The following REXO5 variants were observed in gnomAD, a reference collection of about 807,000 sequenced individuals.
REXO5 encodes the protein RNA exonuclease 5, also known as exonuclease NEF-sp.
Under a neutral mutation model 88.5 loss-of-function variants are expected in REXO5, and 48 were observed. The ratio of observed to expected loss-of-function variants is 0.54; its 90% CI spans 0.43 to 0.69. The LOEUF (loss-of-function observed/expected upper bound fraction) is 0.69, where lower values mean the gene tolerates loss of function less well. Ranked by LOEUF, REXO5 falls within the 30% of genes least tolerant of loss-of-function variation. The pLI is 0.00. For missense variants in REXO5, 749 were observed against 912.2 expected (o/e 0.82, Z 2.30); for synonymous variants, 311 against 336.5 (o/e 0.92, Z 0.83).
chr16:20,836,414 A>G (rs1384924315), intron 13 of REXO5, among the ~76,000 whole-genome samples: 2 of 152,120 alleles, frequency 1.3e-5, no homozygotes, highest in African/African-American at 2.4e-5. Context: ...TCTTTAACTT[A>G]GTATATGTAT....
At chr16:20,835,432 T>G (rs1297281257) in intron 13 of REXO5, among the ~76,000 whole-genome samples, 1 of 152,234 alleles carries the variant, frequency 6.6e-6, no homozygotes, top group East Asian at 1.9e-4. Context: ...TCTAAACCAT[T>G]CCTGGCCTTG....
rs551398041 is a variant in REXO5, at chr16:20,835,506, T to G, written c.1383+2383T>G. Among the ~76,000 whole-genome samples, 26 of 152,300 alleles carry G rather than the reference T, an allele frequency of 1.7e-4. No individual in the cohort carries two copies. The South Asian group carries it at 5.4e-3, about 32-fold the overall frequency. On this transcript the variant is annotated intron_variant, in intron 13 of 19. Transcript: ENST00000261377. ...CATCCTTTCCTTGACCTCGCATAGT[T>G]TACTTACATGGATACACTAATCCCT...
intron 19 of REXO5, among the ~76,000 whole-genome samples, chr16:20,847,654 G>A (rs948327091): frequency 3.3e-4 from 50 of 151,982 alleles, no homozygotes; most frequent in African/African-American, 1.2e-3. Context: ...TACATTGAGG[G>A]GAAAAAAAAT....
At chr16:20,833,254 T>A in intron 13 of REXO5, 131 bp downstream of exon 13, 1 of 948,006 alleles carries the variant, frequency 1.1e-6, no homozygotes, top group Non-Finnish European at 1.5e-6. Context: ...GGCTTGTGTC[T>A]CACATCTTGT....
intron 15 of REXO5, among the ~76,000 whole-genome samples, chr16:20,841,762 C>G (rs545128745): frequency 6.6e-6 from 1 of 152,112 alleles, no homozygotes. Flanking sequence ...TGTGCCCCCA[C>G]GCCTGGCTAA....
intron 5 of REXO5, among the ~76,000 whole-genome samples, chr16:20,819,162 T>G (rs1448450858): frequency 1.3e-5 from 2 of 152,228 alleles, no homozygotes; most frequent in African/African-American, 4.8e-5. Context: ...TTTTTTTATC[T>G]GATCTATCAT....
chr16:20,838,708 T>G (rs2081477365), intron 13 of REXO5, among the ~76,000 whole-genome samples: 1 of 152,184 alleles, frequency 6.6e-6, no homozygotes, highest in Non-Finnish European at 1.5e-5. Context: ...CTGTTTTCAG[T>G]GGCTTCCAAA....
rs2081076909 is a variant in REXO5 at position 20,816,105 on chromosome 16, T to C, written c.379-11T>C. Reference sequence around the variant, plus strand: ...CAACCATTTTTGTAAAACCTGTTAATATATTTTCAGAAATTCCGCTTGCCT... The same window carrying C: ...CAACCATTTTTGTAAAACCTGTTAACATATTTTCAGAAATTCCGCTTGCCT... On this transcript the variant is annotated splice_polypyrimidine_tract_variant and intron_variant, in intron 4 of 19. Transcript: ENST00000261377. The C allele has an allele frequency of 6.2e-7, 1 of 1,612,534 alleles. No individual in the cohort carries two copies. Among genetic ancestry groups the C allele is most frequent in the Non-Finnish European group, 8.5e-7 (1 of 1,178,882 alleles).
At chr16:20,810,391 T>C (rs2080978724) in intron 2 of REXO5, among the ~76,000 whole-genome samples, 1 of 152,150 alleles carries the variant, frequency 6.6e-6, no homozygotes, top group Non-Finnish European at 1.5e-5. Flanking sequence ...GTTCATTCTA[T>C]TCATTCTAGT....
rs1596566981 is a variant in REXO5 at position 20,813,174 on chromosome 16, T to G, written c.139-16T>G. ...TAACCAATAATGGCTTGCTACGCCC[T>G]GATTAATCTTTGCAGAAAGCCCGCT... On this transcript the variant is annotated splice_polypyrimidine_tract_variant and intron_variant, in intron 2 of 19. Coordinates refer to ENST00000261377, the MANE Select transcript of REXO5 (RefSeq NM_030941.3). The G allele has an allele frequency of 6.5e-7, 1 of 1,539,826 alleles. No homozygotes were observed. Among genetic ancestry groups the G allele is most frequent in the Non-Finnish European group, 9.0e-7 (1 of 1,112,664 alleles).
chr16:20,834,744 A>C (rs1350933312), intron 13 of REXO5, among the ~76,000 whole-genome samples: 1 of 152,126 alleles, frequency 6.6e-6, no homozygotes, highest in Non-Finnish European at 1.5e-5. Flanking sequence ...TGATAATCCA[A>C]TCCAGTGTAC....
intron 3 of REXO5, among the ~76,000 whole-genome samples, chr16:20,813,912 C>G (rs2081042093): frequency 6.6e-6 from 1 of 151,946 alleles, no homozygotes; most frequent in Non-Finnish European, 1.5e-5. Context: ...AAAAGAGAAT[C>G]TTACTGTTCT....
At chr16:20,839,922 G>T in intron 14 of REXO5, 63 bp downstream of exon 14, 1 of 962,150 alleles carries the variant, frequency 1.0e-6, no homozygotes. Flanking sequence ...TCATCATTAA[G>T]GAAAGTAATA....
intron 13 of REXO5, among the ~76,000 whole-genome samples, chr16:20,833,588 T>C (rs563973808): frequency 6.6e-6 from 1 of 152,300 alleles, no homozygotes; most frequent in Non-Finnish European, 1.5e-5. Context: ...AAAGCGTGCA[T>C]GAATGGTAGA....
rs2081116333 is a variant in REXO5 at position 20,818,537 on chromosome 16, C to A, written c.475+2325C>A. On this transcript the variant is annotated intron_variant, in intron 5 of 19. Transcript: ENST00000261377. ...AGGCTGGAGTGCAGTGGGATGATCCCAGTTCACTGCAACCTCTGCCACCTG... is the reference window on the plus strand; with the variant it reads ...AGGCTGGAGTGCAGTGGGATGATCCAAGTTCACTGCAACCTCTGCCACCTG... 5.9e-5 allele frequency among the ~76,000 whole-genome samples: 9 copies of A among 152,332 alleles called. No homozygotes were observed. In the South Asian group the frequency reaches 1.9e-3, roughly 32 times the overall value.
At chr16:20,843,883 T>C in intron 15 of REXO5, 51 bp from the exon 16 acceptor site, 4 of 1,320,246 alleles carry the variant, frequency 3.0e-6, no homozygotes, top group South Asian at 1.2e-5. Context: ...ACCCCTTCTT[T>C]AGCAGTTTGA....
At chr16:20,842,884 G>A (rs1374780922) in intron 15 of REXO5, among the ~76,000 whole-genome samples, 1 of 152,168 alleles carries the variant, frequency 6.6e-6, no homozygotes, top group Admixed American at 6.5e-5. Context: ...GGATCAAATA[G>A]TAATTCTATG....
At chr16:20,830,990 G>GTTTTT (rs11337519) in intron 11 of REXO5, among the ~76,000 whole-genome samples, 32 of 97,036 alleles carry the variant, frequency 3.3e-4, no homozygotes, top group African/African-American at 4.6e-4. Context: ...TTCTTTTTCT[G>GTTTTT]TTTTTTTTTT....
chr16:20,836,652 C>A (rs987829775), intron 13 of REXO5, among the ~76,000 whole-genome samples: 1 of 152,138 alleles, frequency 6.6e-6, no homozygotes, highest in Non-Finnish European at 1.5e-5. Context: ...CCAAAGAGTA[C>A]AATTTCTAGA....
Sources: gnomAD v4.1 joint callset for allele counts (sites outside exome capture counted in the v4.1 genomes callset) on GRCh38, gnomAD v4.1.1 for gene constraint, MANE v1.5 for transcripts, NCBI Gene and HGNC (gene_info 2026-07-23, HGNC 2026-07-21) for gene names.